Variants in LRRC4C observed in about 807,000 individuals in gnomAD.
The protein encoded by LRRC4C is leucine rich repeat containing 4C.
In LRRC4C, 5 loss-of-function variants were observed where a neutral mutation model predicts 33.6. The ratio of observed to expected loss-of-function variants is 0.15; its 90% CI spans 0.08 to 0.31. LRRC4C has a LOEUF of 0.31. Ranked by LOEUF, LRRC4C falls within the 10% of genes least tolerant of loss-of-function variation. The pLI is 1.00. For synonymous variants in LRRC4C, 329 were observed against 302.0 expected, an observed-to-expected ratio of 1.09 and a Z score of -0.93; for missense variants, 560 against 796.7, an observed-to-expected ratio of 0.70 and a Z score of 3.58.
intron 4 of LRRC4C, among the ~76,000 whole-genome samples, chr11:40,268,907 A>G (rs1253966117): frequency 6.6e-6 from 1 of 152,172 alleles, no homozygotes. Flanking sequence ...TAGAGACTCT[A>G]GGTAGAATCA....
At position 40,163,468 on chromosome 11, in the gene LRRC4C, T is replaced by C. The variant is rs553713160; in HGVS notation, c.-95-22615A>G. Among the ~76,000 whole-genome samples the C allele has an allele frequency of 3.3e-5, 5 of 152,300 alleles. No individual in the cohort carries two copies. The East Asian group carries it at 9.7e-4, about 29-fold the overall frequency. ...ACTATGAAGACATTTGCTGGCAAGG[T>C]ATCAAGTGTGTAAATGGAACCATGG... On this transcript the variant is annotated intron_variant, in intron 5 of 6. Transcript: ENST00000528697.
intron 5 of LRRC4C, among the ~76,000 whole-genome samples, chr11:40,221,830 A>G (rs990017232): frequency 5.9e-5 from 9 of 151,992 alleles, no homozygotes; most frequent in Admixed American, 2.0e-4. Flanking sequence ...TGCTTGCTCA[A>G]TCGATCACGA....
chr11:40,289,209 C>A (rs1472673332), intron 4 of LRRC4C, among the ~76,000 whole-genome samples: 2 of 152,124 alleles, frequency 1.3e-5, no homozygotes, highest in Non-Finnish European at 2.9e-5. Flanking sequence ...AGTGCTTAGC[C>A]AGATTGTTAT....
At chr11:40,469,359 T>C (rs1049607450) in intron 3 of LRRC4C, among the ~76,000 whole-genome samples, 6 of 152,134 alleles carry the variant, frequency 3.9e-5, no homozygotes, top group African/African-American at 1.4e-4. Context: ...CCATATACTA[T>C]GCTTTTCCCG....
intron 3 of LRRC4C, among the ~76,000 whole-genome samples, chr11:40,645,615 C>T (rs1177406458): frequency 6.6e-6 from 1 of 152,064 alleles, no homozygotes; most frequent in Non-Finnish European, 1.5e-5. Context: ...AAAACCTAAT[C>T]GCACTCTTTC....
At chr11:41,229,974 T>C (rs569484919) in intron 1 of LRRC4C, among the ~76,000 whole-genome samples, 2 of 152,260 alleles carry the variant, frequency 1.3e-5, no homozygotes, top group Admixed American at 6.5e-5. Context: ...TATATTGCCT[T>C]AATTTTAAAA....
At chr11:40,164,709 C>T (rs972452049) in intron 5 of LRRC4C, among the ~76,000 whole-genome samples, 1 of 151,994 alleles carries the variant, frequency 6.6e-6, no homozygotes. Context: ...GGAAGGGGGT[C>T]GGGGACGATT....
intron 1 of LRRC4C, among the ~76,000 whole-genome samples, chr11:40,955,736 A>C (rs536731302): frequency 1.3e-5 from 2 of 151,970 alleles, no homozygotes; most frequent in South Asian, 4.1e-4. Flanking sequence ...GTCAGTAAAG[A>C]TTCTCTTGCT....
chr11:40,720,913 T>G (rs576764054), intron 2 of LRRC4C, among the ~76,000 whole-genome samples: 3 of 152,300 alleles, frequency 2.0e-5, no homozygotes, highest in South Asian at 4.1e-4. Context: ...AATTAAGTAA[T>G]TTTTATCTGT....
intron 3 of LRRC4C, among the ~76,000 whole-genome samples, chr11:40,344,278 C>T (rs779579343): frequency 3.3e-5 from 5 of 152,120 alleles, no homozygotes; most frequent in Non-Finnish European, 7.4e-5. Context: ...CCAAACCCAG[C>T]AGCACATTAA....
At chr11:40,669,613 C>T (rs571463364) in intron 2 of LRRC4C, among the ~76,000 whole-genome samples, 2 of 152,176 alleles carry the variant, frequency 1.3e-5, no homozygotes, top group African/African-American at 2.4e-5. Flanking sequence ...CACTTGTGTG[C>T]TTTCTACTAA....
At chr11:41,411,140 C>CTCTTTTTTTTTTTTTTTTTTTTTTTTTT (rs1249968357) in intron 1 of LRRC4C, among the ~76,000 whole-genome samples, 1 of 49,918 alleles carries the variant, frequency 2.0e-5, no homozygotes, top group Non-Finnish European at 3.2e-5. Context: ...GGTTGGTACC[C>CTCTTTTTTTTTTTTTTTTTTTTTTTTTT]TATTTTTTTT....
At chr11:41,009,503 T>C (rs547691810) in intron 1 of LRRC4C, among the ~76,000 whole-genome samples, 2 of 152,178 alleles carry the variant, frequency 1.3e-5, no homozygotes, top group East Asian at 1.9e-4. Flanking sequence ...AACAGTTGTG[T>C]AGCCACAGGC....
intron 1 of LRRC4C, among the ~76,000 whole-genome samples, chr11:41,179,806 T>C (rs1011272332): frequency 6.6e-6 from 1 of 152,198 alleles, no homozygotes; most frequent in Non-Finnish European, 1.5e-5. Context: ...ATACCAGCCA[T>C]TCATGTACTG....
At chr11:40,330,972 C>T (rs548996258) in intron 3 of LRRC4C, among the ~76,000 whole-genome samples, 109 of 152,226 alleles carry the variant, frequency 7.2e-4, no homozygotes, top group Non-Finnish European at 1.2e-3. Flanking sequence ...ACTATTCTTC[C>T]CTTCCCCATA....
chr11:40,282,402 C>A (rs940535952), intron 4 of LRRC4C, among the ~76,000 whole-genome samples: 2 of 152,012 alleles, frequency 1.3e-5, no homozygotes, highest in Admixed American at 1.3e-4. Context: ...GGCATACCTT[C>A]CCAAATCCTC....
intron 1 of LRRC4C, among the ~76,000 whole-genome samples, chr11:40,956,214 G>T (rs1180173991): frequency 6.6e-6 from 1 of 151,652 alleles, no homozygotes; most frequent in African/African-American, 2.4e-5. Flanking sequence ...AAACTCAATA[G>T]CCCTCTAAAT....
intron 2 of LRRC4C, among the ~76,000 whole-genome samples, chr11:40,686,365 T>C (rs578040106): frequency 6.6e-6 from 1 of 152,204 alleles, no homozygotes; most frequent in East Asian, 1.9e-4. Flanking sequence ...AAGCTCAAGC[T>C]AGTGGAATGT....
intron 4 of LRRC4C, among the ~76,000 whole-genome samples, chr11:40,253,123 A>G (rs192825097): frequency 1.2e-3 from 185 of 152,336 alleles, no homozygotes; most frequent in Non-Finnish European, 3.1e-4. Context: ...TAATAGCTGC[A>G]GAAACACTCT....
Sources: gnomAD v4.1 joint callset for allele counts (sites outside exome capture counted in the v4.1 genomes callset) on GRCh38, gnomAD v4.1.1 for gene constraint, MANE v1.5 for transcripts, NCBI Gene and HGNC (gene_info 2026-07-23, HGNC 2026-07-21) for gene names.